ADORA1: variants seen among roughly 807,000 people sequenced by gnomAD.
ADORA1 encodes adenosine receptor A1.
ADORA1 carries 6 observed loss-of-function variants against 19.9 expected under a neutral mutation model. The ratio of observed to expected loss-of-function variants is 0.30; its 90% CI spans 0.17 to 0.59. The LOEUF (loss-of-function observed/expected upper bound fraction) is 0.59. Ranked by LOEUF, ADORA1 falls within the 20% of genes least tolerant of loss-of-function variation. The pLI is 0.87. For missense variants in ADORA1, 302 were observed against 439.2 expected, an observed-to-expected ratio of 0.69 and a Z score of 2.79; for synonymous variants, 194 against 188.4, an observed-to-expected ratio of 1.03 and a Z score of -0.24.
intron 3 of ADORA1, among the ~76,000 whole-genome samples, chr1:203,143,871 C>G (rs543333948): frequency 1.3e-5 from 2 of 152,228 alleles, no homozygotes; most frequent in African/African-American, 2.4e-5. Flanking sequence ...ACGTTTCCAA[C>G]GGCCACGGTG....
At chr1:203,157,450 C>T (rs917996736) in intron 3 of ADORA1, among the ~76,000 whole-genome samples, 2 of 152,262 alleles carry the variant, frequency 1.3e-5, no homozygotes, top group African/African-American at 4.8e-5. Flanking sequence ...GGGCTCAGCC[C>T]ATGAAGCAGC....
chr1:203,165,856 C>T lies in ADORA1; in HGVS notation c.937C>T (p.Pro313Ser). The T allele has an allele frequency of 6.3e-7, 1 of 1,589,200 alleles. No homozygotes were observed. Among genetic ancestry groups the T allele is most frequent in the Non-Finnish European group, 8.6e-7 (1 of 1,166,808 alleles). Residue 313 changes from proline (P) to serine (S), a missense_variant, in exon 4 of 4, where the codon CCT (proline) becomes TCT (serine). Transcript: ENST00000337894. The surrounding 1 kb of genome is among the most constrained non-coding windows in gnomAD (Gnocchi z 5.9). ...TGACCATTTCCGCTGCCAGCCTGCA[C>T]CTCCCATTGACGAGGATCTCCCAGA... is the stretch of plus-strand genomic sequence containing the variant. ...WNDHFRCQPA[P>S]PIDEDLPEER...
intron 3 of ADORA1, among the ~76,000 whole-genome samples, chr1:203,147,901 C>T (rs1401465955): frequency 6.6e-6 from 1 of 152,110 alleles, no homozygotes; most frequent in Non-Finnish European, 1.5e-5. Context: ...TAATGTTTTT[C>T]AGTAAAAAGA....
chr1:203,128,785 G>A lies in ADORA1; in HGVS notation c.-57G>A. 1 of 1,543,326 alleles carries A rather than the reference G, an allele frequency of 6.5e-7. No homozygotes were observed. The highest frequency in any genetic ancestry group is 8.7e-7 in the Non-Finnish European group (1 of 1,149,374). Reference sequence around the variant, plus strand: ...ATCCCAGGCTTCCCTGACCACACAGGTGCTTGCCTCGTGCCCCTTGGTGCC... The same window carrying A: ...ATCCCAGGCTTCCCTGACCACACAGATGCTTGCCTCGTGCCCCTTGGTGCC... On this transcript the variant is annotated splice_region_variant and 5_prime_UTR_variant, in exon 3 of 4. It adds an upstream start codon to the 5' untranslated region. Transcript: ENST00000337894. This position sits in a 1 kb window ranked among gnomAD's most constrained non-coding sequence, Gnocchi z 5.9.
intron 3 of ADORA1, among the ~76,000 whole-genome samples, chr1:203,136,535 G>T (rs1392707493): frequency 6.6e-6 from 1 of 152,226 alleles, no homozygotes; most frequent in African/African-American, 2.4e-5. Context: ...ACACAGATGG[G>T]CAGGCTGATC....
chr1:203,166,040 C>A lies in ADORA1; in HGVS notation c.*140C>A. ...GCATGGGGGAGGCTCTGAAGAGATA[C>A]CCACAGAGTGTGGTCCCTCCACTAG... On this transcript the variant is annotated 3_prime_UTR_variant, in exon 4 of 4. Coordinates refer to ENST00000337894, the MANE Select transcript of ADORA1 (RefSeq NM_000674.3). 1.7e-6 allele frequency: 2 copies of A among 1,142,946 alleles called. No homozygotes were observed. The highest frequency in any genetic ancestry group is 2.0e-5 in the South Asian group (1 of 50,710). 70.8% of individuals were successfully genotyped at this position (1,142,946 alleles called of 1,614,324 possible).
Position 203,165,400 on chromosome 1 carries a change from A to G in ADORA1, c.481A>G (p.Ser161Gly), listed in dbSNP as rs1655511774. 1 of 1,610,932 alleles carries G rather than the reference A, an allele frequency of 6.2e-7. No individual in the cohort carries two copies. The highest frequency in any genetic ancestry group is 8.5e-7 in the Non-Finnish European group (1 of 1,178,350). ...GGAGCGGGCCTGGGCAGCCAACGGC[A>G]GCATGGGGGAGCCCGTGATCAAGTG... The part of the protein sequence containing the change: ...AVERAWAANG[S>G]MGEPVIKCEF... Residue 161 changes from serine to glycine, a missense_variant, in exon 4 of 4, where the codon AGC (serine) becomes GGC (glycine). Physicochemically the swap from Ser to Gly is moderately conservative, Grantham distance 56 (BLOSUM62 0). Transcript: ENST00000337894. The surrounding 1 kb of genome is among the most constrained non-coding windows in gnomAD (Gnocchi z 5.9).
At chr1:203,153,830 A>G (rs1249972010) in intron 3 of ADORA1, among the ~76,000 whole-genome samples, 1 of 152,224 alleles carries the variant, frequency 6.6e-6, no homozygotes. Context: ...CTCCACAGGA[A>G]GTAGTTTAAT....
intron 3 of ADORA1, among the ~76,000 whole-genome samples, chr1:203,153,948 C>T (rs1655114320): frequency 6.6e-6 from 1 of 152,120 alleles, no homozygotes; most frequent in Admixed American, 6.5e-5. Flanking sequence ...GAGCTATGAA[C>T]TGTCACTCCC....
intron 3 of ADORA1, chr1:203,150,662 A>T: frequency 7.8e-7 from 1 of 1,289,766 alleles, no homozygotes; most frequent in Non-Finnish European, 1.0e-6. Context: ...TTGAGTTCTG[A>T]TGCAGCAGGA....
chr1:203,133,648 C>G (rs1035038638), intron 3 of ADORA1, among the ~76,000 whole-genome samples: 6 of 152,202 alleles, frequency 3.9e-5, no homozygotes, highest in Non-Finnish European at 7.3e-5. Flanking sequence ...TTGCCAATGG[C>G]CTCTGCACTC....
Position 203,166,900 on chromosome 1 carries a change from A to T in ADORA1, c.*1000A>T, listed in dbSNP as rs1655575668. 1 of 152,514 alleles carries T rather than the reference A, an allele frequency of 6.6e-6. No homozygotes were observed. Among genetic ancestry groups the T allele is most frequent in the Admixed American group, 6.5e-5 (1 of 15,282 alleles). 9.4% of individuals were successfully genotyped at this position (152,514 alleles called of 1,614,324 possible). A position where few individuals can be genotyped will look rare whatever the true frequency, so the allele number is the denominator to read the frequency against. The stretch of plus-strand genomic sequence containing the variant: ...GGTGGACGAGGGAGTGTCTGTAAGG[A>T]CTCAGTGTTGACTGTAGGCGCCCCT... On this transcript the variant is annotated 3_prime_UTR_variant, in exon 4 of 4. Transcript: ENST00000337894.
intron 3 of ADORA1, among the ~76,000 whole-genome samples, chr1:203,144,129 C>T (rs1654789239): frequency 7.0e-6 from 1 of 143,278 alleles, no homozygotes; most frequent in African/African-American, 2.6e-5. Flanking sequence ...CACAGCTGTT[C>T]CTTTCTCTTG....
chr1:203,146,743 G>T (rs973927310), intron 3 of ADORA1, among the ~76,000 whole-genome samples: 1 of 152,202 alleles, frequency 6.6e-6, no homozygotes, highest in Non-Finnish European at 1.5e-5. Context: ...CTGTGGGCAC[G>T]AGCCAGGCCC....
At chr1:203,137,691 G>A (rs1654553927) in intron 3 of ADORA1, among the ~76,000 whole-genome samples, 2 of 152,262 alleles carry the variant, frequency 1.3e-5, no homozygotes, top group South Asian at 4.1e-4. Context: ...ATTTTATCCA[G>A]TAAAGTGCAT....
At chr1:203,141,869 C>T (rs910455357) in intron 3 of ADORA1, among the ~76,000 whole-genome samples, 14 of 152,136 alleles carry the variant, frequency 9.2e-5, no homozygotes, top group Admixed American at 3.3e-4. Flanking sequence ...AGGCATGAGC[C>T]ACCACACCCG....
At chr1:203,144,509 A>G (rs929598828) in intron 3 of ADORA1, among the ~76,000 whole-genome samples, 2 of 152,248 alleles carry the variant, frequency 1.3e-5, no homozygotes, top group African/African-American at 4.8e-5. Context: ...ATTAAATAAT[A>G]TATCCCCATT....
At chr1:203,149,493 G>A (rs1654965129) in intron 3 of ADORA1, among the ~76,000 whole-genome samples, 1 of 152,222 alleles carries the variant, frequency 6.6e-6, no homozygotes, top group African/African-American at 2.4e-5. Flanking sequence ...CCCAGAGGAG[G>A]AGGAGGACAG....
Position 203,159,719 on chromosome 1 carries a change from C to T in ADORA1, c.342-5542C>T, listed in dbSNP as rs1004444118. On this transcript the variant is annotated intron_variant, in intron 3 of 3. Coordinates refer to ENST00000337894, the MANE Select transcript of ADORA1 (RefSeq NM_000674.3). ...AATGATATTTTCATGAGTCTGTTCT[C>T]TTCTATATTCCTGAACCCTAACACC... 9.8e-5 allele frequency among the ~76,000 whole-genome samples: 15 copies of T among 152,296 alleles called. 1 individual carries two copies. The South Asian group carries it at 3.1e-3, about 32-fold the overall frequency.
Sources: gnomAD v4.1 joint callset for allele counts (sites outside exome capture counted in the v4.1 genomes callset) on GRCh38, gnomAD v4.1.1 for gene constraint, Gnocchi (gnomAD v3.1) non-coding constraint, MANE v1.5 for transcripts, NCBI Gene and HGNC (gene_info 2026-07-23, HGNC 2026-07-21) for gene names.